Variants in QKI observed in about 807,000 individuals in gnomAD.
The protein encoded by QKI is QKI, KH domain containing RNA binding.
A neutral mutation model predicts 39.0 loss-of-function variants in QKI; 10 were observed. That is an observed-to-expected ratio of 0.26 (90% CI 0.16 to 0.43). The LOEUF is 0.43. Ranked by LOEUF, QKI falls within the 20% of genes least tolerant of loss-of-function variation. QKI has a pLI of 1.00. For missense variants in QKI, 218 were observed against 428.0 expected, an observed-to-expected ratio of 0.51 and a Z score of 4.33; for synonymous variants, 204 against 155.4, an observed-to-expected ratio of 1.31 and a Z score of -2.33.
intron 1 of QKI, among the ~76,000 whole-genome samples, chr6:163,448,409 G>A (rs1339773685): frequency 1.3e-5 from 2 of 149,752 alleles, no homozygotes; most frequent in African/African-American, 4.9e-5. Context: ...GGTTGTTAGA[G>A]TAAGCAAACA....
chr6:163,515,867 C>CTATG (rs1440805235), intron 3 of QKI, among the ~76,000 whole-genome samples: 6 of 152,094 alleles, frequency 3.9e-5, no homozygotes, highest in African/African-American at 1.4e-4. Flanking sequence ...TTGACATTTG[C>CTATG]TATGTAATCA....
intron 3 of QKI, among the ~76,000 whole-genome samples, chr6:163,527,171 T>C (rs1407277767): frequency 6.6e-6 from 1 of 152,156 alleles, no homozygotes; most frequent in Non-Finnish European, 1.5e-5. Context: ...GCTTTGAAAG[T>C]GTAGTTTTTG....
chr6:163,433,015 G>A (rs553762755), intron 1 of QKI, among the ~76,000 whole-genome samples: 34 of 152,228 alleles, frequency 2.2e-4, no homozygotes, highest in Non-Finnish European at 5.0e-4. Context: ...GCAGGTGGAA[G>A]TAAGATCAGA....
In QKI at chr6:163,576,369, A is replaced by C. The variant is rs1466193925; in HGVS notation, c.*5659A>C. ...TAGAAGGAGGCGATAGGTGCAGCAA[A>C]GGGCAGCCACAGTGTTGATTCCACA... is the stretch of plus-strand genomic sequence containing the variant. On this transcript the variant is annotated 3_prime_UTR_variant, in exon 8 of 8. Transcript: ENST00000361752. 1 of 152,182 alleles carries C rather than the reference A, an allele frequency of 6.6e-6. No homozygotes were observed. The highest frequency in any genetic ancestry group is 2.4e-5 in the African/African-American group (1 of 41,420). The allele number at this position is 152,182 out of a possible 1,614,324, so 9.4% of individuals were successfully genotyped here.
At chr6:163,480,018 GT>G (rs1365892601) in intron 3 of QKI, among the ~76,000 whole-genome samples, 3 of 151,922 alleles carry the variant, frequency 2.0e-5, no homozygotes, top group East Asian at 1.9e-4. Context: ...GTTTCTGTGG[GT>G]TTTTTTCTCC....
At chr6:163,452,575 G>A (rs74531116) in intron 1 of QKI, among the ~76,000 whole-genome samples, 1 of 152,040 alleles carries the variant, frequency 6.6e-6, no homozygotes, top group East Asian at 1.9e-4. Context: ...AAGGACCTGC[G>A]GACACACTGG....
intron 2 of QKI, among the ~76,000 whole-genome samples, chr6:163,456,374 G>A (rs1241067281): frequency 6.6e-6 from 1 of 151,970 alleles, no homozygotes; most frequent in Non-Finnish European, 1.5e-5. Flanking sequence ...ATTCACTGCT[G>A]TATCCCTCAT....
chr6:163,511,816 T>A (rs116403643), intron 3 of QKI, among the ~76,000 whole-genome samples: 1,944 of 151,764 alleles, frequency 0.013, 43 homozygotes, highest in African/African-American at 0.045. Context: ...GAAAAAAAAA[T>A]GAGAATACTT....
chr6:163,415,451 G>A (rs1787367713), intron 1 of QKI, 116 bp downstream of exon 1: 1 of 1,037,882 alleles, frequency 9.6e-7, no homozygotes, highest in Non-Finnish European at 1.3e-6. Context: ...GAGCGCCGGG[G>A]GGACTGGGAG....
chr6:163,457,270 GA>G (rs1382024057), intron 2 of QKI: 10 of 454,074 alleles, frequency 2.2e-5, no homozygotes, highest in Non-Finnish European at 4.4e-5. Flanking sequence ...CCTATTCAAG[GA>G]AGGGGTATTT....
intron 3 of QKI, among the ~76,000 whole-genome samples, chr6:163,497,677 AC>A (rs1186358122): frequency 5.9e-5 from 9 of 151,496 alleles, no homozygotes; most frequent in Non-Finnish European, 1.0e-4. Flanking sequence ...AAACCCTATT[AC>A]CTTTGTATTT....
intron 4 of QKI, among the ~76,000 whole-genome samples, chr6:163,558,087 C>T (rs780187094): frequency 5.3e-5 from 8 of 152,164 alleles, no homozygotes; most frequent in Non-Finnish European, 8.8e-5. Context: ...ACTTTGTGAA[C>T]TATCTGGAGT....
intron 4 of QKI, among the ~76,000 whole-genome samples, 160 bp from the exon 5 acceptor site, chr6:163,561,822 C>T (rs1008034602): frequency 1.1e-4 from 16 of 152,140 alleles, no homozygotes; most frequent in African/African-American, 3.6e-4. Context: ...AAAGCAGGCT[C>T]CATTATGTTA....
chr6:163,481,260 C>T (rs995754182), intron 3 of QKI, among the ~76,000 whole-genome samples: 3 of 151,790 alleles, frequency 2.0e-5, no homozygotes, highest in Admixed American at 6.6e-5. Context: ...TATGTGTGTG[C>T]GTATATATAT....
chr6:163,523,547 A>T (rs763615288), intron 3 of QKI, among the ~76,000 whole-genome samples: 2 of 152,194 alleles, frequency 1.3e-5, no homozygotes, highest in Non-Finnish European at 2.9e-5. Flanking sequence ...GAAACCATGG[A>T]TTCCATAGTT....
chr6:163,480,148 T>C (rs1792962736), intron 3 of QKI, among the ~76,000 whole-genome samples: 1 of 152,350 alleles, frequency 6.6e-6, no homozygotes, highest in East Asian at 1.9e-4. Context: ...CAGGATAGTT[T>C]TGAATTTCTA....
At chr6:163,469,029 T>TG (rs1312470856) in intron 2 of QKI, among the ~76,000 whole-genome samples, 4 of 152,150 alleles carry the variant, frequency 2.6e-5, no homozygotes, top group African/African-American at 9.7e-5. Flanking sequence ...TGTGGCTTCT[T>TG]GGGGCAATAG....
At chr6:163,443,352 C>T (rs3846779) in intron 1 of QKI, among the ~76,000 whole-genome samples, 6,430 of 152,240 alleles carry the variant, frequency 0.042, 462 homozygotes, top group African/African-American at 0.15. Flanking sequence ...GGGTGGATTA[C>T]GAGGTCAGGA....
intron 2 of QKI, among the ~76,000 whole-genome samples, chr6:163,475,291 T>C (rs768416731): frequency 6.6e-6 from 1 of 152,192 alleles, no homozygotes; most frequent in East Asian, 1.9e-4. Context: ...ATCAAAACTT[T>C]TAGGGGAAAT....
Sources: allele counts gnomAD v4.1 joint callset (sites outside exome capture counted in the v4.1 genomes callset), GRCh38; gene constraint gnomAD v4.1.1; transcripts MANE v1.5; gene names NCBI Gene and HGNC (gene_info 2026-07-23, HGNC 2026-07-21).